The following SNTG1 variants were observed in gnomAD, a reference collection of about 807,000 sequenced individuals.
SNTG1 encodes the protein gamma-1-syntrophin.
In SNTG1, 39 loss-of-function variants were observed where a neutral mutation model predicts 74.7. The observed-to-expected ratio is 0.52, with a 90% CI of 0.40 to 0.68. The LOEUF (loss-of-function observed/expected upper bound fraction) is 0.68. SNTG1 is among the 30% of genes least tolerant of loss of function. The pLI is 0.00. For missense variants in SNTG1, 685 were observed against 609.5 expected (o/e 1.12, Z -1.30); for synonymous variants, 254 against 217.1 (o/e 1.17, Z -1.49).
chr8:50,487,983 A>C (rs1248499418), intron 8 of SNTG1, among the ~76,000 whole-genome samples: 1 of 152,200 alleles, frequency 6.6e-6, no homozygotes, highest in African/African-American at 2.4e-5. Context: ...AATTTAAACT[A>C]TGCTTCTGGA....
chr8:50,348,421 G>A (rs929385064), intron 2 of SNTG1, among the ~76,000 whole-genome samples: 25 of 152,260 alleles, frequency 1.6e-4, no homozygotes, highest in African/African-American at 6.0e-4. Context: ...AATGACTAAT[G>A]TATGTTATAT....
chr8:50,128,433 C>A (rs1041439608), intron 1 of SNTG1, among the ~76,000 whole-genome samples: 5 of 152,066 alleles, frequency 3.3e-5, no homozygotes, highest in Admixed American at 2.0e-4. Context: ...ACGGTAAAAG[C>A]AATTTAAAAA....
chr8:50,003,228 G>C (rs1014105151), intron 1 of SNTG1, among the ~76,000 whole-genome samples: 9 of 152,152 alleles, frequency 5.9e-5, no homozygotes, highest in African/African-American at 2.2e-4. Context: ...CACTTAAAAG[G>C]TGAAGCTGAT....
At chr8:50,466,985 A>C (rs994146263) in intron 8 of SNTG1, among the ~76,000 whole-genome samples, 2 of 151,912 alleles carry the variant, frequency 1.3e-5, no homozygotes, top group African/African-American at 4.8e-5. Flanking sequence ...CTGGATTGCA[A>C]ACTTTGATTC....
Position 50,708,984 on chromosome 8 carries a change from G to T in SNTG1, c.1284+6G>T. The T allele has an allele frequency of 6.2e-7, 1 of 1,605,290 alleles. No individual in the cohort carries two copies. The highest frequency in any genetic ancestry group is 8.5e-7 in the Non-Finnish European group (1 of 1,172,140). ...GCTTTGATGCTGCAACAAAGGTAAT[G>T]TGTTCAGGTCAGCTCTGAGAAATAT... On this transcript the variant is annotated splice_donor_region_variant and intron_variant, in intron 17 of 18. Transcript: ENST00000642720.
chr8:50,546,398 A>ATTT lies in SNTG1; in HGVS notation c.681-6651_681-6650insTTT, dbSNP rs2094388053. ...GGAAGACTTTTTTATTATTATTATT[A>ATTT]TACTTTAAGTTTTAGGGTACACGTG... On this transcript the variant is annotated intron_variant, in intron 11 of 18. Transcript: ENST00000642720. Among the ~76,000 whole-genome samples, 6 of 152,152 alleles carry ATTT rather than the reference A, an allele frequency of 3.9e-5. No homozygotes were observed. The South Asian group carries it at 1.2e-3, about 32-fold the overall frequency.
intron 18 of SNTG1, among the ~76,000 whole-genome samples, chr8:50,792,155 A>G (rs941233277): frequency 6.6e-6 from 1 of 151,402 alleles, no homozygotes; most frequent in Non-Finnish European, 1.5e-5. Flanking sequence ...TGCAGGAATT[A>G]TTTTTTGAAA....
intron 1 of SNTG1, among the ~76,000 whole-genome samples, chr8:50,072,022 A>AC: frequency 6.6e-6 from 1 of 152,124 alleles, no homozygotes; most frequent in Non-Finnish European, 1.5e-5. Context: ...AGCAAAATGA[A>AC]CCCCCCAGTG....
intron 17 of SNTG1, among the ~76,000 whole-genome samples, chr8:50,742,925 T>A (rs1320485374): frequency 6.6e-6 from 1 of 151,772 alleles, no homozygotes; most frequent in Non-Finnish European, 1.5e-5. Context: ...ATAACCTAGA[T>A]GAAATAGATA....
intron 1 of SNTG1, among the ~76,000 whole-genome samples, chr8:50,102,781 T>G (rs2080193139): frequency 6.6e-6 from 1 of 150,962 alleles, no homozygotes; most frequent in Non-Finnish European, 1.5e-5. Flanking sequence ...TACATATGGC[T>G]AGCCAGTTTT....
chr8:50,402,418 T>C, intron 4 of SNTG1, 74 bp downstream of exon 4: 2 of 1,486,958 alleles, frequency 1.3e-6, no homozygotes, highest in Admixed American at 2.4e-5. Context: ...TCACAGGGCA[T>C]TTTAAATATG....
intron 17 of SNTG1, among the ~76,000 whole-genome samples, chr8:50,746,253 A>G (rs1014928431): frequency 3.0e-4 from 45 of 151,996 alleles, no homozygotes; most frequent in African/African-American, 8.7e-4. Context: ...GCTTTTCTTC[A>G]CATAGATCTA....
At chr8:50,475,879 C>T (rs755402321) in intron 8 of SNTG1, among the ~76,000 whole-genome samples, 4 of 152,162 alleles carry the variant, frequency 2.6e-5, no homozygotes, top group Non-Finnish European at 5.9e-5. Flanking sequence ...AAATACTATA[C>T]AGCAGTCCCC....
intron 18 of SNTG1, among the ~76,000 whole-genome samples, chr8:50,789,556 G>A (rs887863188): frequency 3.9e-5 from 6 of 151,934 alleles, no homozygotes; most frequent in African/African-American, 7.2e-5. Context: ...TCTAATATGC[G>A]TTCAGATGTA....
At chr8:50,033,234 C>T (rs1000338192) in intron 1 of SNTG1, among the ~76,000 whole-genome samples, 2 of 151,976 alleles carry the variant, frequency 1.3e-5, no homozygotes, top group Middle Eastern at 3.2e-3. Context: ...AGCGATTCTC[C>T]TGCCTCAGCC....
chr8:50,432,270 T>C (rs889661981), intron 4 of SNTG1, among the ~76,000 whole-genome samples: 1 of 152,186 alleles, frequency 6.6e-6, no homozygotes, highest in African/African-American at 2.4e-5. Context: ...AAAAAATATC[T>C]TTGCTTTTCT....
intron 10 of SNTG1, 21 bp from the exon 11 acceptor site, chr8:50,536,657 G>C: frequency 6.2e-7 from 1 of 1,608,914 alleles, no homozygotes. Context: ...AAATTACGTT[G>C]AATATTTATC....
intron 1 of SNTG1, among the ~76,000 whole-genome samples, chr8:49,957,260 A>C (rs1191127836): frequency 6.6e-6 from 1 of 152,206 alleles, no homozygotes. Context: ...GTTTTGTAAA[A>C]AAGATTGGGA....
chr8:50,096,651 G>A (rs1340233558), intron 1 of SNTG1, among the ~76,000 whole-genome samples: 1 of 152,140 alleles, frequency 6.6e-6, no homozygotes, highest in Non-Finnish European at 1.5e-5. Context: ...AAGGTGGCAA[G>A]ATATAACATA....
Sources: allele counts gnomAD v4.1 joint callset (sites outside exome capture counted in the v4.1 genomes callset), GRCh38; gene constraint gnomAD v4.1.1; transcripts MANE v1.5; gene names NCBI Gene and HGNC (gene_info 2026-07-23, HGNC 2026-07-21).